PKD1L3: variants seen among roughly 807,000 people sequenced by gnomAD.
The protein encoded by PKD1L3 is polycystin 1 like 3, transient receptor potential channel interacting.
A neutral mutation model predicts 184.1 loss-of-function variants in PKD1L3; 239 were observed. That is an observed-to-expected ratio of 1.30 (90% CI 1.17 to 1.45). The LOEUF (loss-of-function observed/expected upper bound fraction) is 1.45, where lower values mean the gene tolerates loss of function less well. Among genes scored for constraint, PKD1L3 ranks in the 40% most tolerant of loss-of-function variants. The probability of loss-of-function intolerance (pLI) is 0.00; values close to 1 mark genes in which losing one functional copy is unlikely to be tolerated. For missense variants in PKD1L3, 2,660 were observed against 2,067.2 expected (o/e 1.29, Z -5.56); for synonymous variants, 996 against 778.8 (o/e 1.28, Z -4.64).
chr16:71,990,415 T>A, intron 3 of PKD1L3, 86 bp from the exon 4 acceptor site: 1 of 1,148,736 alleles, frequency 8.7e-7, no homozygotes, highest in Non-Finnish European at 1.2e-6. Context: ...TATTCATGGC[T>A]AAAAATAATG....
chr16:71,999,765 C>A lies in PKD1L3; in HGVS notation c.214G>T (p.Asp72Tyr). ...WNKEVQDLIR[D>Y]YLEEGKKWWI... The stretch of plus-strand genomic sequence containing the variant: ...CACTTCTTTCCTTCTTCCAGATAGT[C>A]CCGGATGAGATCTTGAACTTCCTTG... Residue 72 changes from aspartate (D) to tyrosine (Y), a missense_variant, in exon 1 of 30, where the codon GAC becomes TAC. Asp to Tyr is a radical substitution (Grantham distance 160). Coordinates refer to ENST00000620267, the MANE Select transcript of PKD1L3 (RefSeq NM_181536.2). 1 of 1,551,808 alleles carries A rather than the reference C, an allele frequency of 6.4e-7. No homozygotes were observed. The highest frequency in any genetic ancestry group is 8.7e-7 in the Non-Finnish European group (1 of 1,147,010).
intron 24 of PKD1L3, among the ~76,000 whole-genome samples, chr16:71,938,773 A>G (rs1175837181): frequency 6.6e-6 from 1 of 152,172 alleles, no homozygotes; most frequent in East Asian, 1.9e-4. Context: ...TGTGGATAGG[A>G]GCTACCAACT....
intron 21 of PKD1L3, among the ~76,000 whole-genome samples, chr16:71,948,020 G>A (rs543972835): frequency 1.3e-3 from 197 of 151,906 alleles, no homozygotes; most frequent in African/African-American, 4.5e-3. Flanking sequence ...GGGTTCAAGC[G>A]ATTCTCTTCC....
chr16:71,990,286 A>C lies in PKD1L3; in HGVS notation c.579T>G (p.Ala193=), dbSNP rs1329931354. The change falls in exon 4 of 30, where the codon GCT becomes GCG. Residue 193 remains alanine, a synonymous_variant. Coordinates refer to ENST00000620267, the MANE Select transcript of PKD1L3 (RefSeq NM_181536.2). ...TGTCAAGGGAAGCACTTACAAGATG[A>C]GCAGGAAGAGGATAGTGACATGTGG... is the stretch of plus-strand genomic sequence containing the variant. The part of the protein sequence containing the change: ...LPTTCHYPLP[A]HLSKTLCHPI... 6.5e-7 allele frequency: 1 copy of C among 1,547,148 alleles called. No individual in the cohort carries two copies. The highest frequency in any genetic ancestry group is 2.5e-5 in the East Asian group (1 of 40,802).
At chr16:71,980,560 G>A (rs1052315033) in intron 7 of PKD1L3, among the ~76,000 whole-genome samples, 1 of 152,094 alleles carries the variant, frequency 6.6e-6, no homozygotes, top group African/African-American at 2.4e-5. Context: ...GTGGCCGGGT[G>A]TGGTGGCTCA....
At chr16:71,963,735 A>T (rs1302810142) in intron 15 of PKD1L3, among the ~76,000 whole-genome samples, 1 of 152,104 alleles carries the variant, frequency 6.6e-6, no homozygotes. Context: ...GTGAGTTGAA[A>T]TTGCACCACT....
At chr16:71,947,746 T>C (rs944141967) in intron 21 of PKD1L3, among the ~76,000 whole-genome samples, 155 bp from the exon 22 acceptor site, 4 of 152,172 alleles carry the variant, frequency 2.6e-5, no homozygotes, top group African/African-American at 9.7e-5. Flanking sequence ...TTTTGCACAA[T>C]GATGGGTACC....
intron 24 of PKD1L3, among the ~76,000 whole-genome samples, chr16:71,940,211 T>C (rs953811551): frequency 1.3e-5 from 2 of 152,120 alleles, no homozygotes; most frequent in African/African-American, 4.8e-5. Flanking sequence ...TACCACCCCA[T>C]GACTAAAGGT....
chr16:71,976,218 G>T (rs550960578), intron 11 of PKD1L3, among the ~76,000 whole-genome samples: 1 of 143,088 alleles, frequency 7.0e-6, no homozygotes, highest in South Asian at 2.4e-4. Flanking sequence ...AAAGTGCTAG[G>T]ATTACAGTGG....
At chr16:71,942,526 C>G (rs192266774) in intron 24 of PKD1L3, 34 bp downstream of exon 24, 1 of 1,499,896 alleles carries the variant, frequency 6.7e-7, no homozygotes, top group Non-Finnish European at 9.0e-7. Context: ...TTCTTTGCTA[C>G]GTGTGGTTGA....
rs768788838 is a variant in PKD1L3, at chr16:71,973,425, C to T, written c.1852G>A (p.Gly618Ser). ...ITAVLSERQE[G>S]AQQTPSLVSV... The stretch of plus-strand genomic sequence containing the variant: ...ACCAAGCTGGGTGTCTGCTGAGCAC[C>T]CTCCTGCCTCTCACTCAGCACAGCT... Residue 618 changes from glycine (G) to serine (S), a missense_variant, in exon 12 of 30, where the codon GGT (glycine) becomes AGT (serine). Transcript: ENST00000620267. The T allele has an allele frequency of 1.3e-6, 2 of 1,551,662 alleles. No individual in the cohort carries two copies. Among genetic ancestry groups the T allele is most frequent in the Admixed American group, 2.0e-5 (1 of 50,994 alleles).
At chr16:71,978,542 CTTTT>C (rs11329882) in intron 9 of PKD1L3, among the ~76,000 whole-genome samples, 159 bp from the exon 10 acceptor site, 2 of 57,814 alleles carry the variant, frequency 3.5e-5, no homozygotes, top group Non-Finnish European at 6.6e-5. Context: ...TACATACATA[CTTTT>C]TTTTTTTTTT....
chr16:71,945,997 C>T (rs1190737272), intron 22 of PKD1L3, among the ~76,000 whole-genome samples: 1 of 152,164 alleles, frequency 6.6e-6, no homozygotes, highest in Non-Finnish European at 1.5e-5. Context: ...CCGCTCTTGT[C>T]ACCCAGGCTG....
chr16:71,977,176 G>A, intron 11 of PKD1L3, 60 bp downstream of exon 11: 1 of 1,277,956 alleles, frequency 7.8e-7, no homozygotes, highest in Non-Finnish European at 1.1e-6. Flanking sequence ...TGGTGCCACT[G>A]CACTACATCC....
intron 22 of PKD1L3, among the ~76,000 whole-genome samples, chr16:71,945,266 CTATATATATA>C (rs60469321): frequency 3.1e-4 from 20 of 63,948 alleles, no homozygotes; most frequent in Middle Eastern, 0.019. Context: ...AATTTCTTAA[CTATATATATA>C]TATATATATA....
intron 24 of PKD1L3, among the ~76,000 whole-genome samples, chr16:71,938,009 C>T (rs559058672): frequency 7.4e-4 from 113 of 152,292 alleles, no homozygotes; most frequent in Admixed American, 2.0e-3. Context: ...TGTTGAGCTG[C>T]GGGAGCCAGT....
At chr16:71,950,051 T>G (rs1281966371) in intron 20 of PKD1L3, 34 bp from the exon 21 acceptor site, 1 of 1,550,246 alleles carries the variant, frequency 6.5e-7, no homozygotes, top group East Asian at 2.4e-5. Context: ...TAATCTTGTA[T>G]GCATCGGCTG....
chr16:71,944,126 G>A lies in PKD1L3; in HGVS notation c.3763C>T (p.Pro1255Ser), dbSNP rs1327716321. Reference protein sequence around the residue: ...SVPGSRDKNNPVYVAPAINSP... With the variant: ...SVPGSRDKNNSVYVAPAINSP... ...TTTATAGCTGGGGCTACATAGACGG[G>A]GTTGTTCTTATCTCTTGAACCTGGT... is the stretch of plus-strand genomic sequence containing the variant. The change falls in exon 23 of 30, where the codon CCC (proline) becomes TCC (serine). Residue 1255 changes from proline to serine, a missense_variant. Coordinates refer to ENST00000620267, the MANE Select transcript of PKD1L3 (RefSeq NM_181536.2). 1 of 1,551,154 alleles carries A rather than the reference G, an allele frequency of 6.4e-7. No individual in the cohort carries two copies. Among genetic ancestry groups the A allele is most frequent in the African/African-American group, 1.4e-5 (1 of 72,992 alleles).
At chr16:71,996,264 T>A (rs2040779961) in intron 2 of PKD1L3, among the ~76,000 whole-genome samples, 1 of 143,120 alleles carries the variant, frequency 7.0e-6, no homozygotes, top group East Asian at 2.0e-4. Flanking sequence ...TTTTTTTTTT[T>A]TTTTTTTTTT....
Sources: allele counts gnomAD v4.1 joint callset (sites outside exome capture counted in the v4.1 genomes callset), GRCh38; gene constraint gnomAD v4.1.1; transcripts MANE v1.5; gene names NCBI Gene and HGNC (gene_info 2026-07-23, HGNC 2026-07-21).